COBL: variants seen among roughly 807,000 people sequenced by gnomAD.
COBL encodes the protein protein cordon-bleu.
A neutral mutation model predicts 98.8 loss-of-function variants in COBL; 51 were observed. That is an observed-to-expected ratio of 0.52 (90% CI 0.41 to 0.65). COBL has a LOEUF of 0.65. Ranked by LOEUF, COBL falls within the 30% of genes least tolerant of loss-of-function variation. The probability of loss-of-function intolerance (pLI) is 0.00; values close to 1 mark genes in which losing one functional copy is unlikely to be tolerated. For missense variants in COBL, 1,617 were observed against 1,617.5 expected (o/e 1.00, Z 0.01); for synonymous variants, 634 against 651.7 (o/e 0.97, Z 0.41).
intron 1 of COBL, among the ~76,000 whole-genome samples, chr7:51,232,672 G>A (rs966386431): frequency 6.6e-6 from 1 of 152,066 alleles, no homozygotes; most frequent in South Asian, 2.1e-4. Context: ...TCAGCTGGGC[G>A]TGGTGGCGGG....
Position 51,042,644 on chromosome 7 carries a change from G to T in COBL, c.1406+739C>A, listed in dbSNP as rs575935811. Among the ~76,000 whole-genome samples the T allele has an allele frequency of 9.2e-5, 14 of 152,314 alleles. No homozygotes were observed. In the Middle Eastern group the frequency reaches 0.01, roughly 111 times the overall value. On this transcript the variant is annotated intron_variant, in intron 8 of 12. Transcript: ENST00000265136. ...CTCAAAATGTTGGGATTACGGGCATGAGCCACCATGCCAGGCCAAACGTGG... is the reference window on the plus strand; with the variant it reads ...CTCAAAATGTTGGGATTACGGGCATTAGCCACCATGCCAGGCCAAACGTGG...
At chr7:51,094,154 C>A (rs915952209) in intron 6 of COBL, among the ~76,000 whole-genome samples, 7 of 151,924 alleles carry the variant, frequency 4.6e-5, no homozygotes, top group African/African-American at 1.7e-4. Context: ...TATGTTCTCA[C>A]TTATATGTGG....
At chr7:51,154,031 G>A (rs775460431) in intron 5 of COBL, among the ~76,000 whole-genome samples, 10 of 152,184 alleles carry the variant, frequency 6.6e-5, no homozygotes, top group Non-Finnish European at 1.3e-4. Flanking sequence ...GTGGAGGCCC[G>A]TGTCGCTGAA....
intron 2 of COBL, among the ~76,000 whole-genome samples, chr7:51,195,983 CTTTA>C (rs1348380893): frequency 6.6e-6 from 1 of 152,036 alleles, no homozygotes; most frequent in Non-Finnish European, 1.5e-5. Context: ...TTTGTATGCC[CTTTA>C]TTTCTTTTTC....
At chr7:51,247,933 T>C (rs1286680552) in intron 1 of COBL, among the ~76,000 whole-genome samples, 1 of 150,240 alleles carries the variant, frequency 6.7e-6, no homozygotes, top group African/African-American at 2.5e-5. Context: ...AGGTCAGGAG[T>C]TCAAGACCAG....
At chr7:51,085,437 T>C (rs1794137256) in intron 6 of COBL, 133 bp from the exon 7 acceptor site, 4 of 986,828 alleles carry the variant, frequency 4.1e-6, no homozygotes, top group Non-Finnish European at 5.9e-6. Context: ...GGTTGTTAGA[T>C]GGCCAGTTCC....
chr7:51,193,287 C>T lies in COBL; in HGVS notation c.456+92G>A, dbSNP rs890389352. The T allele has an allele frequency of 1.8e-5, 20 of 1,131,036 alleles. No homozygotes were observed. In the Admixed American group the frequency reaches 1.9e-4, roughly 11 times the overall value. 70.1% of individuals were successfully genotyped at this position (1,131,036 alleles called of 1,614,324 possible). On this transcript the variant is annotated intron_variant, in intron 3 of 12. Transcript: ENST00000265136. ...TAGCAGCCTCAGCCACAGCTCTCTG[C>T]ACTGTACTTTGATAAGAAGAGCCAC...
At chr7:51,163,452 C>G (rs1787011129) in intron 5 of COBL, among the ~76,000 whole-genome samples, 1 of 152,196 alleles carries the variant, frequency 6.6e-6, no homozygotes, top group African/African-American at 2.4e-5. Flanking sequence ...ACTGAAGCAG[C>G]AGGCATGGTC....
At chr7:51,109,296 A>G (rs1161441239) in intron 6 of COBL, among the ~76,000 whole-genome samples, 2 of 152,200 alleles carry the variant, frequency 1.3e-5, no homozygotes, top group African/African-American at 4.8e-5. Flanking sequence ...CACCTGTGTG[A>G]ATGCACCACC....
chr7:51,088,775 T>A (rs922787560), intron 6 of COBL, among the ~76,000 whole-genome samples: 1 of 152,206 alleles, frequency 6.6e-6, no homozygotes, highest in Non-Finnish European at 1.5e-5. Flanking sequence ...CAGATATTCA[T>A]ACCTGCAGGA....
chr7:51,226,550 GTGAGTGACTA>G, intron 1 of COBL, among the ~76,000 whole-genome samples: 1 of 149,836 alleles, frequency 6.7e-6, no homozygotes, highest in South Asian at 2.8e-4. Flanking sequence ...GAGTGAGTAA[GTGAGTGACTA>G]AGTGAGTGAG....
At chr7:51,188,571 G>A (rs1789770387) in intron 4 of COBL, among the ~76,000 whole-genome samples, 1 of 152,216 alleles carries the variant, frequency 6.6e-6, no homozygotes, top group Non-Finnish European at 1.5e-5. Flanking sequence ...CCCATGGTGG[G>A]GAAGCTCGTG....
intron 12 of COBL, among the ~76,000 whole-genome samples, chr7:51,018,890 T>A (rs1786571527): frequency 2.1e-4 from 2 of 9,618 alleles, no homozygotes; most frequent in African/African-American, 5.1e-4. Flanking sequence ...AAACTCCATC[T>A]CAAAAAAAAA....
At chr7:51,290,788 A>G (rs987176693) in intron 1 of COBL, among the ~76,000 whole-genome samples, 2 of 152,110 alleles carry the variant, frequency 1.3e-5, no homozygotes, top group Non-Finnish European at 2.9e-5. Flanking sequence ...TTCTGGCACC[A>G]TGCATACTCC....
intron 12 of COBL, 141 bp downstream of exon 12, chr7:51,024,968 C>T (rs1386741319): frequency 1.8e-6 from 2 of 1,133,360 alleles, no homozygotes; most frequent in Admixed American, 1.8e-5. Flanking sequence ...ATGTGAGAGA[C>T]ACAGTGACGC....
intron 7 of COBL, among the ~76,000 whole-genome samples, chr7:51,068,353 A>G (rs1792169456): frequency 6.6e-6 from 1 of 151,998 alleles, no homozygotes. Context: ...CAGATCAAAT[A>G]CTCGCTTTAT....
chr7:51,130,996 A>G (rs1342244184), intron 6 of COBL, among the ~76,000 whole-genome samples: 1 of 152,246 alleles, frequency 6.6e-6, no homozygotes, highest in African/African-American at 2.4e-5. Flanking sequence ...GTTATTCAAT[A>G]TTCATTGAAT....
At chr7:51,100,997 T>C (rs988906655) in intron 6 of COBL, among the ~76,000 whole-genome samples, 1 of 152,204 alleles carries the variant, frequency 6.6e-6, no homozygotes, top group East Asian at 1.9e-4. Flanking sequence ...ATTTCACCTG[T>C]TGAAAGATGG....
intron 5 of COBL, among the ~76,000 whole-genome samples, chr7:51,164,139 A>T (rs1321588216): frequency 6.6e-6 from 1 of 152,004 alleles, no homozygotes; most frequent in Non-Finnish European, 1.5e-5. Context: ...GTCATTCAAG[A>T]GGGTTTTTTG....
Sources: allele counts gnomAD v4.1 joint callset (sites outside exome capture counted in the v4.1 genomes callset), GRCh38; gene constraint gnomAD v4.1.1; transcripts MANE v1.5; gene names NCBI Gene and HGNC (gene_info 2026-07-23, HGNC 2026-07-21).